GPC6: variants seen among roughly 807,000 people sequenced by gnomAD.
GPC6 encodes the protein glypican 6, also known as glypican-6.
A neutral mutation model predicts 55.2 loss-of-function variants in GPC6; 14 were observed. That is an observed-to-expected ratio of 0.25 (90% CI 0.17 to 0.40). The LOEUF (loss-of-function observed/expected upper bound fraction) is 0.40, where lower values mean the gene tolerates loss of function less well. GPC6 is among the 10% of genes least tolerant of loss of function. The pLI, the probability that GPC6 is intolerant of heterozygous loss-of-function variation, is 1.00. For missense variants in GPC6, 641 were observed against 708.5 expected, an observed-to-expected ratio of 0.90 and a Z score of 1.08; for synonymous variants, 278 against 259.6, an observed-to-expected ratio of 1.07 and a Z score of -0.68.
chr13:94,202,693 G>A (rs1889791151), intron 4 of GPC6, among the ~76,000 whole-genome samples: 1 of 152,208 alleles, frequency 6.6e-6, no homozygotes, highest in Non-Finnish European at 1.5e-5. Flanking sequence ...ATAAGGTAAT[G>A]CTAGAACCTT....
intron 1 of GPC6, among the ~76,000 whole-genome samples, chr13:93,356,286 C>T (rs1041761057): frequency 2.0e-5 from 3 of 152,128 alleles, no homozygotes; most frequent in African/African-American, 4.8e-5. Context: ...TTCTGAGATA[C>T]GACACACTTA....
chr13:93,959,845 C>T (rs924014198), intron 3 of GPC6, among the ~76,000 whole-genome samples: 1 of 152,186 alleles, frequency 6.6e-6, no homozygotes, highest in Non-Finnish European at 1.5e-5. Flanking sequence ...CTAAAGCATA[C>T]AAATTTTAAG....
intron 3 of GPC6, among the ~76,000 whole-genome samples, chr13:93,924,706 T>C (rs1424540487): frequency 6.6e-6 from 1 of 150,762 alleles, no homozygotes; most frequent in African/African-American, 2.4e-5. Context: ...CTTTTTTTTT[T>C]TTTTTTGGTA....
intron 1 of GPC6, chr13:93,395,139 C>A: frequency 3.9e-6 from 1 of 253,438 alleles, no homozygotes; most frequent in Non-Finnish European, 7.9e-6. Context: ...CCATAACAGC[C>A]ATACTCACTA....
intron 1 of GPC6, among the ~76,000 whole-genome samples, chr13:93,410,759 C>T (rs1431978502): frequency 6.6e-6 from 1 of 152,182 alleles, no homozygotes; most frequent in Admixed American, 6.5e-5. Context: ...GTTTCTGGCT[C>T]ATAATGTAGC....
intron 1 of GPC6, among the ~76,000 whole-genome samples, chr13:93,526,290 T>A (rs1317578029): frequency 2.6e-5 from 4 of 152,064 alleles, no homozygotes; most frequent in African/African-American, 9.7e-5. Context: ...TTCAGTTACG[T>A]GGGACATGTA....
chr13:93,421,612 T>G (rs1876927112), intron 1 of GPC6, among the ~76,000 whole-genome samples: 1 of 152,168 alleles, frequency 6.6e-6, no homozygotes, highest in Admixed American at 6.5e-5. Context: ...CAACATTTAT[T>G]GAACTATTTG....
At chr13:94,190,949 C>CATAT (rs931264637) in intron 4 of GPC6, among the ~76,000 whole-genome samples, 4 of 151,772 alleles carry the variant, frequency 2.6e-5, no homozygotes, top group African/African-American at 9.7e-5. Context: ...TACTATCTCA[C>CATAT]ATATATATAT....
At chr13:93,428,324 A>G (rs1877226981) in intron 1 of GPC6, among the ~76,000 whole-genome samples, 2 of 152,162 alleles carry the variant, frequency 1.3e-5, no homozygotes, top group African/African-American at 4.8e-5. Context: ...GAAAGCAGGT[A>G]TTAAAGTGTG....
intron 3 of GPC6, among the ~76,000 whole-genome samples, chr13:93,931,496 G>A (rs1017268810): frequency 7.3e-5 from 11 of 151,164 alleles, no homozygotes; most frequent in African/African-American, 1.9e-4. Context: ...AGTGGCTCAC[G>A]CTCACGCATG....
chr13:93,773,565 G>A (rs1403301433), intron 2 of GPC6, among the ~76,000 whole-genome samples: 4 of 152,046 alleles, frequency 2.6e-5, no homozygotes, highest in African/African-American at 9.7e-5. Context: ...TGACTGTAGG[G>A]GTTCCTGTGT....
intron 3 of GPC6, among the ~76,000 whole-genome samples, chr13:93,977,769 G>A (rs1438867262): frequency 1.3e-5 from 2 of 152,058 alleles, no homozygotes; most frequent in Non-Finnish European, 2.9e-5. Context: ...AAGGACTGCT[G>A]CTATTTCTTT....
At chr13:93,455,861 C>T (rs1045770494) in intron 1 of GPC6, among the ~76,000 whole-genome samples, 5 of 152,172 alleles carry the variant, frequency 3.3e-5, no homozygotes, top group African/African-American at 1.2e-4. Flanking sequence ...TATCAAGCAT[C>T]TACCGCTTTT....
chr13:93,725,831 A>G (rs1883617358), intron 2 of GPC6, among the ~76,000 whole-genome samples: 1 of 152,116 alleles, frequency 6.6e-6, no homozygotes, highest in Non-Finnish European at 1.5e-5. Context: ...CACATGCACT[A>G]TTAAATAATT....
At chr13:93,905,624 T>C (rs535444044) in intron 3 of GPC6, among the ~76,000 whole-genome samples, 1 of 152,238 alleles carries the variant, frequency 6.6e-6, no homozygotes, top group South Asian at 2.1e-4. Flanking sequence ...GAAGCTAATT[T>C]AATCAATAAA....
chr13:94,317,024 C>T (rs1876576422), intron 6 of GPC6, among the ~76,000 whole-genome samples: 1 of 152,188 alleles, frequency 6.6e-6, no homozygotes, highest in Non-Finnish European at 1.5e-5. Flanking sequence ...CAGTTAATTT[C>T]TGAACAGCCT....
At chr13:94,326,641 A>G (rs555958485) in intron 6 of GPC6, among the ~76,000 whole-genome samples, 79 of 152,336 alleles carry the variant, frequency 5.2e-4, no homozygotes, top group Non-Finnish European at 7.4e-4. Flanking sequence ...CAATAAACCT[A>G]CATTGACTAT....
At chr13:93,751,137 T>G (rs570972165) in intron 2 of GPC6, among the ~76,000 whole-genome samples, 1 of 149,182 alleles carries the variant, frequency 6.7e-6, no homozygotes, top group Non-Finnish European at 1.5e-5. Context: ...AAGTTACAGC[T>G]TTTCAAGTCC....
intron 4 of GPC6, among the ~76,000 whole-genome samples, chr13:94,149,990 A>AG (rs35384719): frequency 1.1e-5 from 1 of 94,922 alleles, no homozygotes; most frequent in African/African-American, 6.5e-5. Flanking sequence ...TCAGGAAAAA[A>AG]GGTATAGGCC....
Sources: allele counts gnomAD v4.1 joint callset (sites outside exome capture counted in the v4.1 genomes callset), GRCh38; gene constraint gnomAD v4.1.1; transcripts MANE v1.5; gene names NCBI Gene and HGNC (gene_info 2026-07-23, HGNC 2026-07-21).